Variants in HOOK3 observed in about 807,000 individuals in gnomAD.
HOOK3 encodes the protein hook microtubule tethering protein 3, also known as protein Hook homolog 3.
A neutral mutation model predicts 116.3 loss-of-function variants in HOOK3; 24 were observed. The ratio of observed to expected loss-of-function variants is 0.21; its 90% CI spans 0.15 to 0.29. HOOK3 has a LOEUF of 0.29. Ranked by LOEUF, HOOK3 falls within the 10% of genes least tolerant of loss-of-function variation. HOOK3 has a pLI of 1.00. For missense variants in HOOK3, 632 were observed against 830.2 expected (o/e 0.76, Z 2.93); for synonymous variants, 275 against 283.0 (o/e 0.97, Z 0.28).
chr8:42,998,665 A>G (rs1206511426), intron 16 of HOOK3, among the ~76,000 whole-genome samples: 1 of 151,894 alleles, frequency 6.6e-6, no homozygotes, highest in Non-Finnish European at 1.5e-5. Context: ...TCCAGACATC[A>G]TCTCATGTAT....
intron 19 of HOOK3, among the ~76,000 whole-genome samples, chr8:43,012,070 A>G (rs1809624438): frequency 6.6e-6 from 1 of 152,186 alleles, no homozygotes; most frequent in African/African-American, 2.4e-5. Context: ...TACGTATCTG[A>G]TCAGAGACAG....
Position 43,026,098 on chromosome 8 carries a change from A to T in HOOK3, c.*7600A>T, listed in dbSNP as rs7839721. ...ATGGGAGACTTCCAGGTAGGCGTTA[A>T]CACTTGAGTGGTAACTAGCTTGATG... On this transcript the variant is annotated 3_prime_UTR_variant, in exon 22 of 22. Transcript: ENST00000307602. 206,487 of 208,320 alleles carry T rather than the reference A, an allele frequency of 0.99. 102,364 individuals carry two copies. Among genetic ancestry groups the T allele is most frequent in the Middle Eastern group, 1 (632 of 632 alleles). 12.9% of individuals were successfully genotyped at this position (208,320 alleles called of 1,614,324 possible). A position where few individuals can be genotyped will look rare whatever the true frequency, so the allele number is the denominator to read the frequency against.
At position 42,970,782 on chromosome 8, in the gene HOOK3, C is replaced by CTTTTTTT. The variant is rs764513803; in HGVS notation, c.1123-2492_1123-2486dup. On this transcript the variant is annotated intron_variant, in intron 11 of 21. Coordinates refer to ENST00000307602, the MANE Select transcript of HOOK3 (RefSeq NM_032410.4). ...GTAAAGAAATAAAAGGAATTTGGGT[C>CTTTTTTT]TTTTTTTTTTTTTTTTTTTTTCTGA... Among the ~76,000 whole-genome samples the CTTTTTTT allele has an allele frequency of 1.0e-3, 97 of 93,858 alleles. 7 individuals carry two copies. Among genetic ancestry groups the CTTTTTTT allele is most frequent in the African/African-American group, 3.6e-3 (84 of 23,078 alleles). The allele number at this position is 93,858 out of a possible 152,430, so 61.6% of individuals were successfully genotyped here.
At chr8:42,997,305 A>G (rs73675446) in intron 15 of HOOK3, among the ~76,000 whole-genome samples, 1 of 152,326 alleles carries the variant, frequency 6.6e-6, no homozygotes, top group African/African-American at 2.4e-5. Context: ...GCATAAGTAC[A>G]TTGGTTCTAA....
chr8:43,007,972 T>C, intron 18 of HOOK3, 43 bp downstream of exon 18: 1 of 969,406 alleles, frequency 1.0e-6, no homozygotes. Context: ...GGGCTTGCTG[T>C]ATACTGCCAT....
intron 16 of HOOK3, among the ~76,000 whole-genome samples, chr8:42,998,832 G>A (rs950830663): frequency 1.3e-5 from 2 of 152,096 alleles, no homozygotes; most frequent in African/African-American, 2.4e-5. Flanking sequence ...TTTAAAACAT[G>A]TTTTTATTCA....
At chr8:42,950,179 G>A (rs1808313373) in intron 5 of HOOK3, among the ~76,000 whole-genome samples, 2 of 152,254 alleles carry the variant, frequency 1.3e-5, no homozygotes, top group African/African-American at 2.4e-5. Flanking sequence ...AACTTTAGAA[G>A]GAATGTTGAA....
In HOOK3 at chr8:42,924,279, G is replaced by T. The variant is rs374645214; in HGVS notation, c.144-1278G>T. 3.9e-5 allele frequency among the ~76,000 whole-genome samples: 6 copies of T among 152,002 alleles called. No individual in the cohort carries two copies. In the South Asian group the frequency reaches 1.3e-3, roughly 32 times the overall value. On this transcript the variant is annotated intron_variant, in intron 2 of 21. Coordinates refer to ENST00000307602, the MANE Select transcript of HOOK3 (RefSeq NM_032410.4). ...GATCAATTTCAAAACCTGTAAAATG[G>T]GGCTCATGCTGGGTTTGAAAAGTTT...
chr8:42,943,269 C>CTTT, intron 4 of HOOK3, 44 bp from the exon 5 acceptor site: 2 of 1,144,292 alleles, frequency 1.7e-6, no homozygotes. Context: ...TTTTTTTGGT[C>CTTT]ATATAAATGT....
intron 1 of HOOK3, among the ~76,000 whole-genome samples, chr8:42,898,717 A>G (rs1313655297): frequency 6.6e-6 from 1 of 152,202 alleles, no homozygotes; most frequent in Admixed American, 6.5e-5. Context: ...GAGAAAGAAG[A>G]CATGGAAATA....
chr8:42,984,278 G>C (rs1377737946), intron 14 of HOOK3, among the ~76,000 whole-genome samples: 2 of 151,380 alleles, frequency 1.3e-5, no homozygotes, highest in East Asian at 3.9e-4. Flanking sequence ...TGAGGTAGGA[G>C]AATCACTTGA....
intron 15 of HOOK3, among the ~76,000 whole-genome samples, chr8:42,989,651 A>G (rs1809118783): frequency 1.3e-5 from 2 of 152,122 alleles, no homozygotes; most frequent in African/African-American, 4.8e-5. Flanking sequence ...CAATTACATT[A>G]TTTTTTACTA....
intron 5 of HOOK3, among the ~76,000 whole-genome samples, chr8:42,949,707 C>G (rs1808301209): frequency 6.6e-6 from 1 of 152,142 alleles, no homozygotes; most frequent in South Asian, 2.1e-4. Flanking sequence ...ATCACGAGGT[C>G]AAGAGATTGA....
intron 4 of HOOK3, among the ~76,000 whole-genome samples, chr8:42,931,449 TG>T (rs1320950718): frequency 1.5e-3 from 219 of 144,752 alleles, no homozygotes; most frequent in Non-Finnish European, 2.9e-3. Flanking sequence ...TTTTTTTTTT[TG>T]AGACGGAGTC....
At chr8:42,948,286 G>A (rs911733792) in intron 5 of HOOK3, among the ~76,000 whole-genome samples, 3 of 152,222 alleles carry the variant, frequency 2.0e-5, no homozygotes, top group Non-Finnish European at 4.4e-5. Context: ...TTCAGGATAA[G>A]CTACCTCACA....
intron 3 of HOOK3, among the ~76,000 whole-genome samples, chr8:42,928,344 G>A (rs1445343688): frequency 2.0e-5 from 3 of 151,744 alleles, no homozygotes; most frequent in African/African-American, 2.4e-5. Context: ...CCAGCTACCT[G>A]GGAGGCTGAG....
intron 7 of HOOK3, among the ~76,000 whole-genome samples, chr8:42,957,476 C>T (rs933578134): frequency 2.2e-4 from 34 of 151,896 alleles, no homozygotes; most frequent in African/African-American, 7.5e-4. Flanking sequence ...TATCAGTGTG[C>T]CACATTTAAC....
chr8:42,978,839 G>A lies in HOOK3; in HGVS notation c.1322-3788G>A, dbSNP rs569936580. Among the ~76,000 whole-genome samples the A allele has an allele frequency of 1.2e-4, 18 of 152,264 alleles. No homozygotes were observed. The South Asian group carries it at 3.5e-3, about 30-fold the overall frequency. ...GCTGGGATTACAGGCATGTGCTACC[G>A]CGCCCAGCCAGATAACCATTTTCTC... is the stretch of plus-strand genomic sequence containing the variant. On this transcript the variant is annotated intron_variant, in intron 13 of 21. Coordinates refer to ENST00000307602, the MANE Select transcript of HOOK3 (RefSeq NM_032410.4).
chr8:42,909,623 C>G (rs1481902294), intron 2 of HOOK3, among the ~76,000 whole-genome samples: 1 of 152,158 alleles, frequency 6.6e-6, no homozygotes, highest in African/African-American at 2.4e-5. Flanking sequence ...CGCACACACC[C>G]AGCCTTTTTT....
Sources: gnomAD v4.1 joint callset for allele counts (sites outside exome capture counted in the v4.1 genomes callset) on GRCh38, gnomAD v4.1.1 for gene constraint, MANE v1.5 for transcripts, NCBI Gene and HGNC (gene_info 2026-07-23, HGNC 2026-07-21) for gene names.